Variants in INTS4 observed in about 807,000 individuals in gnomAD.
INTS4 encodes the protein MSTP093.
Under a neutral mutation model 119.5 loss-of-function variants are expected in INTS4, and 70 were observed. The ratio of observed to expected loss-of-function variants is 0.59; its 90% CI spans 0.48 to 0.71. The LOEUF is 0.71. Among genes scored for constraint, INTS4 ranks in the 30% least tolerant of loss-of-function variants. The pLI, the probability that INTS4 is intolerant of heterozygous loss-of-function variation, is 0.00. For missense variants in INTS4, 867 were observed against 1,173.2 expected, an observed-to-expected ratio of 0.74 and a Z score of 3.81; for synonymous variants, 316 against 419.6, an observed-to-expected ratio of 0.75 and a Z score of 3.02.
intron 21 of INTS4, among the ~76,000 whole-genome samples, chr11:77,886,031 C>T (rs891656966): frequency 1.3e-4 from 20 of 151,692 alleles, no homozygotes; most frequent in Non-Finnish European, 1.5e-5. Context: ...TAAGACCCCC[C>T]AATCTCCACA....
At chr11:77,939,169 C>T (rs1188488475) in intron 9 of INTS4, among the ~76,000 whole-genome samples, 1 of 152,142 alleles carries the variant, frequency 6.6e-6, no homozygotes, top group African/African-American at 2.4e-5. Context: ...GTAGACAATA[C>T]GTTGACTCTA....
intron 2 of INTS4, among the ~76,000 whole-genome samples, chr11:77,990,076 G>C (rs1856608369): frequency 6.6e-6 from 1 of 151,854 alleles, no homozygotes; most frequent in South Asian, 2.1e-4. Context: ...AAAATTAGCT[G>C]GGTGTGGTGT....
At chr11:77,898,288 G>T (rs1042488233) in intron 18 of INTS4, among the ~76,000 whole-genome samples, 1 of 152,070 alleles carries the variant, frequency 6.6e-6, no homozygotes, top group African/African-American at 2.4e-5. Context: ...TCAGCCTCCC[G>T]AGTAGCTGGG....
At position 77,941,167 on chromosome 11, in the gene INTS4, G is replaced by A; in HGVS notation, c.990+13C>T. On this transcript the variant is annotated intron_variant, in intron 9 of 22. Transcript: ENST00000534064. ...ACAGAAACCCACTTTAAACAACAAA[G>A]AATAAAAGGTACCCTCAGATCTGAC... is the stretch of plus-strand genomic sequence containing the variant. 6.2e-7 allele frequency: 1 copy of A among 1,610,990 alleles called. No homozygotes were observed. Among genetic ancestry groups the A allele is most frequent in the African/African-American group, 1.3e-5 (1 of 74,848 alleles).
chr11:77,970,275 T>G (rs891553346), intron 4 of INTS4, among the ~76,000 whole-genome samples: 1 of 152,132 alleles, frequency 6.6e-6, no homozygotes, highest in African/African-American at 2.4e-5. Flanking sequence ...GATGGGCACC[T>G]GCAGTCCCAG....
At chr11:77,942,638 A>G (rs1266998055) in intron 8 of INTS4, among the ~76,000 whole-genome samples, 2 of 152,362 alleles carry the variant, frequency 1.3e-5, no homozygotes, top group East Asian at 3.9e-4. Flanking sequence ...GGGAGAACAT[A>G]GATTTATATT....
At chr11:77,924,279 T>C (rs994421756) in intron 12 of INTS4, among the ~76,000 whole-genome samples, 3 of 150,106 alleles carry the variant, frequency 2.0e-5, no homozygotes, top group Non-Finnish European at 4.4e-5. Context: ...ATGCAACCTA[T>C]AATCCCAGTT....
At chr11:77,901,957 T>G (rs183076625) in intron 17 of INTS4, among the ~76,000 whole-genome samples, 28 of 152,166 alleles carry the variant, frequency 1.8e-4, no homozygotes, top group Non-Finnish European at 1.5e-5. Context: ...TAACCATATG[T>G]TAGTTATCCT....
chr11:77,992,761 G>A (rs922981283), intron 1 of INTS4, among the ~76,000 whole-genome samples: 1 of 152,106 alleles, frequency 6.6e-6, no homozygotes, highest in African/African-American at 2.4e-5. Context: ...TCTTCTATAG[G>A]AGGGCATACC....
intron 9 of INTS4, among the ~76,000 whole-genome samples, chr11:77,939,851 A>C (rs917511861): frequency 6.6e-6 from 1 of 151,742 alleles, no homozygotes; most frequent in Non-Finnish European, 1.5e-5. Flanking sequence ...TCTCAAACAA[A>C]AAAAAAAAAC....
Position 77,883,913 on chromosome 11 carries a change from TG to T in INTS4, c.2631del (p.Lys878SerfsTer34), listed in dbSNP as rs749496692. 4 of 1,613,242 alleles carry T rather than the reference TG, an allele frequency of 2.5e-6. No individual in the cohort carries two copies. In the Admixed American group the frequency reaches 6.7e-5, roughly 27 times the overall value. On this transcript the variant is annotated frameshift_variant, in exon 22 of 23. Transcript: ENST00000534064. LOFTEE classifies it high-confidence loss of function. ...YPDGQAQMIHPKPADFRNPGP... is the reference protein window; with the variant it reads ...YPDGQAQMIHXKPADFRNPGP... ...CCAGGATTCCGGAAGTCTGCAGGCT[TG>T]GGGTGAATCATCTGAGCCTGGCCAT...
rs181830526 is a variant in INTS4, at chr11:77,891,622, G to T, written c.2448+59C>A. The T allele has an allele frequency of 2.3e-5, 36 of 1,581,948 alleles. No homozygotes were observed. In the East Asian group the frequency reaches 7.8e-4, roughly 34 times the overall value. On this transcript the variant is annotated intron_variant, in intron 20 of 22. Coordinates refer to ENST00000534064, the MANE Select transcript of INTS4 (RefSeq NM_033547.4). The stretch of plus-strand genomic sequence containing the variant: ...TCCACTGGTCAAAGAAGATCACCAA[G>T]GTAAAGATTTTTGACCGTCTGGACA...
chr11:77,884,128 T>A (rs1951897492), intron 21 of INTS4, among the ~76,000 whole-genome samples, 176 bp from the exon 22 acceptor site: 1 of 152,166 alleles, frequency 6.6e-6, no homozygotes, highest in Non-Finnish European at 1.5e-5. Context: ...TAATCCAGCA[T>A]GAAGCAGTGT....
At chr11:77,905,340 C>G (rs867237686) in intron 16 of INTS4, among the ~76,000 whole-genome samples, 4 of 152,030 alleles carry the variant, frequency 2.6e-5, no homozygotes, top group Middle Eastern at 6.8e-3. Context: ...ACCTGTAATC[C>G]CAGCTACTTG....
At chr11:77,970,280 T>C (rs942148519) in intron 4 of INTS4, among the ~76,000 whole-genome samples, 113 of 152,106 alleles carry the variant, frequency 7.4e-4, no homozygotes, top group Non-Finnish European at 5.6e-4. Context: ...GCACCTGCAG[T>C]CCCAGCTACT....
chr11:77,990,799 G>A (rs569961599), intron 2 of INTS4, among the ~76,000 whole-genome samples: 1 of 152,192 alleles, frequency 6.6e-6, no homozygotes, highest in East Asian at 1.9e-4. Context: ...GAGATGAATG[G>A]GTCATGATTG....
intron 21 of INTS4, among the ~76,000 whole-genome samples, chr11:77,888,530 T>C (rs9667816): frequency 0.17 from 25,143 of 152,176 alleles, 2,467 homozygotes; most frequent in African/African-American, 0.25. Context: ...ACTTCATGTC[T>C]AAAACAGCAA....
chr11:77,991,148 A>C lies in INTS4; in HGVS notation c.206T>G (p.Val69Gly). 6.2e-7 allele frequency: 1 copy of C among 1,614,172 alleles called. No homozygotes were observed. The highest frequency in any genetic ancestry group is 8.5e-7 in the Non-Finnish European group (1 of 1,180,034). Residue 69 changes from valine to glycine, a missense_variant, in exon 2 of 23, where the codon GTA becomes GGA. Val to Gly is a moderately radical substitution (Grantham distance 109). Around this residue, in one of 5 missense-constraint regions of INTS4, gnomAD observed 224 missense variants for 231.8 expected, o/e 0.97. Transcript: ENST00000534064. ...CAAGAGAATCCTGACTACTCCCTCT[A>C]CGCTTTCCGCCTCGACAGGCTTCCT... ...FARKPVEAESVEGVVRILLEH... is the reference protein window; with the variant it reads ...FARKPVEAESGEGVVRILLEH...
At chr11:77,894,492 C>T in intron 18 of INTS4, 143 bp from the exon 19 acceptor site, 4 of 537,466 alleles carry the variant, frequency 7.4e-6, no homozygotes, top group Non-Finnish European at 1.3e-5. Context: ...CAGAAGACTC[C>T]TAATGGACCT....
Sources: gnomAD v4.1 joint callset for allele counts (sites outside exome capture counted in the v4.1 genomes callset) on GRCh38, gnomAD v4.1.1 for gene constraint, gnomAD v4.1.1 regional missense constraint, MANE v1.5 for transcripts, NCBI Gene and HGNC (gene_info 2026-07-23, HGNC 2026-07-21) for gene names.